COL19A1: variants seen among roughly 807,000 people sequenced by gnomAD.
The protein encoded by COL19A1 is collagen type XIX alpha 1 chain, also known as collagen alpha-1(XIX) chain.
COL19A1 carries 159 observed loss-of-function variants against 190.2 expected under a neutral mutation model. That is an observed-to-expected ratio of 0.84 (90% CI 0.73 to 0.95). COL19A1 has a LOEUF of 0.95. COL19A1 is among the 40% of genes least tolerant of loss of function. COL19A1 has a pLI of 0.00. For missense variants in COL19A1, 1,418 were observed against 1,431.9 expected (o/e 0.99, Z 0.16); for synonymous variants, 509 against 458.9 (o/e 1.11, Z -1.39).
At chr6:70,062,866 G>C (rs1243432076) in intron 14 of COL19A1, among the ~76,000 whole-genome samples, 1 of 151,728 alleles carries the variant, frequency 6.6e-6, no homozygotes, top group Non-Finnish European at 1.5e-5. Context: ...AACCAACAAA[G>C]ATCAAAAGAG....
rs1780735715 is a variant in COL19A1 at position 70,060,085 on chromosome 6, G to A, written c.1171-8338G>A. Among the ~76,000 whole-genome samples the A allele has an allele frequency of 2.0e-5, 3 of 152,246 alleles. No individual in the cohort carries two copies. The South Asian group carries it at 6.2e-4, about 32-fold the overall frequency. Reference sequence around the variant, plus strand: ...CAGAGATGCTGTTACAATGGTAAATGATTAATTTGTAAATGAACTATAAGG... The same window carrying A: ...CAGAGATGCTGTTACAATGGTAAATAATTAATTTGTAAATGAACTATAAGG... On this transcript the variant is annotated intron_variant, in intron 14 of 50. Transcript: ENST00000620364.
chr6:70,163,291 T>A, intron 35 of COL19A1, 52 bp from the exon 36 acceptor site: 1 of 1,541,866 alleles, frequency 6.5e-7, no homozygotes, highest in Non-Finnish European at 8.9e-7. Context: ...TCCAATACCC[T>A]TTGGCCATTT....
intron 48 of COL19A1, among the ~76,000 whole-genome samples, chr6:70,196,378 A>G (rs1306892634): frequency 2.0e-5 from 3 of 152,240 alleles, no homozygotes; most frequent in African/African-American, 7.2e-5. Flanking sequence ...CCCAAGGGAA[A>G]TACTCATTAA....
chr6:70,172,433 G>A (rs940287110), intron 41 of COL19A1, among the ~76,000 whole-genome samples: 2 of 152,062 alleles, frequency 1.3e-5, no homozygotes, highest in South Asian at 4.2e-4. Flanking sequence ...AGAGACCAGG[G>A]GAGGGAGTGA....
chr6:70,074,548 AG>A (rs1482026821), intron 15 of COL19A1, among the ~76,000 whole-genome samples: 1 of 151,476 alleles, frequency 6.6e-6, no homozygotes, highest in Non-Finnish European at 1.5e-5. Flanking sequence ...TCTTACTTTA[AG>A]ATAGCTTATT....
intron 9 of COL19A1, 96 bp downstream of exon 9, chr6:69,938,196 A>G: frequency 8.9e-7 from 1 of 1,126,776 alleles, no homozygotes; most frequent in Non-Finnish European, 1.3e-6. Context: ...CTGTACAAAT[A>G]TATGTTTCTA....
At chr6:70,048,050 G>A (rs1007581576) in intron 14 of COL19A1, among the ~76,000 whole-genome samples, 1 of 152,112 alleles carries the variant, frequency 6.6e-6, no homozygotes, top group Non-Finnish European at 1.5e-5. Flanking sequence ...CAAAGGTTAA[G>A]TCTGTCAACA....
At chr6:70,107,431 G>A (rs1784042343) in intron 16 of COL19A1, among the ~76,000 whole-genome samples, 1 of 152,028 alleles carries the variant, frequency 6.6e-6, no homozygotes, top group South Asian at 2.1e-4. Flanking sequence ...TGAAATAATA[G>A]CACCTACCCC....
Position 70,161,950 on chromosome 6 carries a change from C to G in COL19A1, c.2343C>G (p.Pro781=). The G allele has an allele frequency of 1.3e-6, 2 of 1,598,694 alleles. No individual in the cohort carries two copies. Among genetic ancestry groups the G allele is most frequent in the Non-Finnish European group, 1.7e-6 (2 of 1,173,428 alleles). The change falls in exon 35 of 51, where the codon CCC becomes CCG. Residue 781 remains proline, a synonymous_variant. Transcript: ENST00000620364. ...GIPGAPGPTG[P]PGLMGRTGHP... ...CAGGTGCTCCAGGCCCGACTGGACC[C>G]CCTGTAAGTATTTGTTAAAACGATT...
At chr6:70,150,088 C>A in intron 30 of COL19A1, 43 bp downstream of exon 30, 1 of 1,601,002 alleles carries the variant, frequency 6.2e-7, no homozygotes, top group Non-Finnish European at 8.6e-7. Context: ...CTTAAATGCA[C>A]CCAGAAGCCA....
At chr6:70,039,189 A>G (rs1468305220) in intron 14 of COL19A1, among the ~76,000 whole-genome samples, 1 of 152,226 alleles carries the variant, frequency 6.6e-6, no homozygotes, top group Non-Finnish European at 1.5e-5. Flanking sequence ...GACTCAGGCA[A>G]CAGTTGTTTG....
chr6:69,926,043 T>C (rs947434333), intron 4 of COL19A1, among the ~76,000 whole-genome samples: 3 of 152,160 alleles, frequency 2.0e-5, no homozygotes, highest in Non-Finnish European at 4.4e-5. Flanking sequence ...CAGGGACAAT[T>C]TGACTTCCTC....
chr6:70,085,397 C>G (rs1449311587), intron 15 of COL19A1, among the ~76,000 whole-genome samples: 1 of 152,180 alleles, frequency 6.6e-6, no homozygotes, highest in Non-Finnish European at 1.5e-5. Flanking sequence ...TAGCACTGTC[C>G]TACAGAAGCT....
At chr6:70,071,327 T>A (rs1220082581) in intron 15 of COL19A1, among the ~76,000 whole-genome samples, 1 of 152,156 alleles carries the variant, frequency 6.6e-6, no homozygotes, top group African/African-American at 2.4e-5. Flanking sequence ...TTTTTGCAAG[T>A]ACCACGCCAA....
At chr6:70,066,871 G>A (rs1337565618) in intron 14 of COL19A1, among the ~76,000 whole-genome samples, 3 of 151,864 alleles carry the variant, frequency 2.0e-5, no homozygotes, top group Admixed American at 1.3e-4. Flanking sequence ...ACCATTTAAG[G>A]CATTTAATAG....
intron 48 of COL19A1, among the ~76,000 whole-genome samples, chr6:70,198,285 C>G (rs1767336093): frequency 6.6e-6 from 1 of 152,148 alleles, no homozygotes; most frequent in Non-Finnish European, 1.5e-5. Context: ...AAAAACTTTT[C>G]TGGAAGATTT....
chr6:70,008,411 A>C (rs751997659), intron 11 of COL19A1, among the ~76,000 whole-genome samples: 6 of 151,974 alleles, frequency 3.9e-5, no homozygotes, highest in Non-Finnish European at 8.8e-5. Flanking sequence ...ATTATCAATG[A>C]GTTTAGGCTA....
intron 44 of COL19A1, among the ~76,000 whole-genome samples, chr6:70,182,742 C>T (rs995026359): frequency 2.6e-5 from 4 of 152,116 alleles, no homozygotes; most frequent in African/African-American, 4.8e-5. Flanking sequence ...GCATCAGAAA[C>T]GTAGAGGTCA....
intron 41 of COL19A1, among the ~76,000 whole-genome samples, chr6:70,175,667 A>T (rs548743857): frequency 6.6e-6 from 1 of 151,980 alleles, no homozygotes; most frequent in African/African-American, 2.4e-5. Flanking sequence ...TATTACTAGT[A>T]TCTCTTTATT....
Sources: allele counts gnomAD v4.1 joint callset (sites outside exome capture counted in the v4.1 genomes callset), GRCh38; gene constraint gnomAD v4.1.1; transcripts MANE v1.5; gene names NCBI Gene and HGNC (gene_info 2026-07-23, HGNC 2026-07-21).